C13orf46: variants seen among roughly 807,000 people sequenced by gnomAD.
C13orf46 encodes uncharacterized protein C13orf46.
chr13:113,970,729 G>A (rs1480953384), intron 1 of C13orf46, among the ~76,000 whole-genome samples: 2 of 152,196 alleles, frequency 1.3e-5, no homozygotes, highest in African/African-American at 4.8e-5. Context: ...GGGTCTCTGG[G>A]CTCCCCGAGA....
At chr13:113,932,030 C>T in the C13orf46 span, among the ~76,000 whole-genome samples, 9 of 152,110 alleles carry the variant, frequency 5.9e-5, no homozygotes, top group African/African-American at 2.2e-4. Flanking sequence ...GGTAACACAG[C>T]GTGTATACTC....
At chr13:113,972,801 C>T (rs1056875485) in intron 1 of C13orf46, among the ~76,000 whole-genome samples, 2 of 152,306 alleles carry the variant, frequency 1.3e-5, no homozygotes. Flanking sequence ...GCAAACGGGG[C>T]GCCTGGCTAT....
intron 6 of C13orf46, among the ~76,000 whole-genome samples, chr13:113,963,092 G>T (rs919810217): frequency 6.6e-6 from 1 of 152,212 alleles, no homozygotes; most frequent in Non-Finnish European, 1.5e-5. Context: ...CCAGTCGGGG[G>T]CCGAGGGCTG....
chr13:113,942,446 TCC>T, the C13orf46 span, among the ~76,000 whole-genome samples: 2 of 152,064 alleles, frequency 1.3e-5, no homozygotes, highest in African/African-American at 4.8e-5. Context: ...AGGACGATTA[TCC>T]CCTACAGAGG....
At chr13:113,947,746 G>A in the C13orf46 span, among the ~76,000 whole-genome samples, 1 of 152,170 alleles carries the variant, frequency 6.6e-6, no homozygotes, top group Admixed American at 6.5e-5. Context: ...ACACAGCCAA[G>A]CAGATGCGCA....
chr13:113,961,693 G>C (rs1246211239), intron 6 of C13orf46, among the ~76,000 whole-genome samples: 12 of 152,178 alleles, frequency 7.9e-5, no homozygotes, highest in Non-Finnish European at 1.5e-4. Flanking sequence ...TACAAAAGTG[G>C]TTCCAGTTTT....
At position 113,967,374 on chromosome 13, in the gene C13orf46, A is replaced by C. The variant is rs1403052921; in HGVS notation, c.471T>G (p.Phe157Leu). 6.6e-6 allele frequency: 1 copy of C among 152,314 alleles called. No homozygotes were observed. Among genetic ancestry groups the C allele is most frequent in the South Asian group, 2.1e-4 (1 of 4,828 alleles). The allele number at this position is 152,314 out of a possible 1,614,324, so 9.4% of individuals were successfully genotyped here. ...CATGGTCTCCCAGATCAATCTCCAC[A>C]AACACAGATGCTTTCTGCGAATGGA... The part of the protein sequence containing the change: ...DLQEEEKASV[F>L]VEIDLGDHAE... The change falls in exon 5 of 7, where the codon TTT (phenylalanine) becomes TTG (leucine). Residue 157 changes from phenylalanine (F) to leucine (L), a missense_variant. Transcript: ENST00000636427.
At chr13:113,959,817 G>A (rs2052573401) in intron 6 of C13orf46, among the ~76,000 whole-genome samples, 1 of 152,242 alleles carries the variant, frequency 6.6e-6, no homozygotes, top group Non-Finnish European at 1.5e-5. Flanking sequence ...TTAAAAAGAA[G>A]TGTAGGACAA....
the C13orf46 span, among the ~76,000 whole-genome samples, chr13:113,937,657 T>G: frequency 6.6e-6 from 1 of 152,092 alleles, no homozygotes; most frequent in African/African-American, 2.4e-5. Flanking sequence ...TTACATATTT[T>G]AGGGAGACAT....
the C13orf46 span, among the ~76,000 whole-genome samples, chr13:113,943,464 C>T: frequency 6.6e-6 from 1 of 152,170 alleles, no homozygotes; most frequent in African/African-American, 2.4e-5. Flanking sequence ...AAAGGAATGC[C>T]TGAGTTCAGA....
chr13:113,961,947 T>C (rs2052590301), intron 6 of C13orf46, among the ~76,000 whole-genome samples: 2 of 152,122 alleles, frequency 1.3e-5, no homozygotes, highest in Non-Finnish European at 2.9e-5. Context: ...AACTATGAAG[T>C]GTGCAGAGCT....
intron 2 of C13orf46, 64 bp downstream of exon 2, chr13:113,970,107 C>T (rs1443032794): frequency 3.9e-5 from 6 of 152,434 alleles, no homozygotes; most frequent in African/African-American, 1.4e-4. Context: ...CCACCCTCTC[C>T]TGTGTCCACC....
intron 6 of C13orf46, among the ~76,000 whole-genome samples, chr13:113,957,822 T>C (rs1204295188): frequency 3.7e-5 from 5 of 133,714 alleles, no homozygotes; most frequent in Admixed American, 3.1e-4. Flanking sequence ...CACTGGTGGG[T>C]CTCCCCTGCA....
the C13orf46 span, among the ~76,000 whole-genome samples, chr13:113,946,444 G>A: frequency 6.6e-6 from 1 of 152,236 alleles, no homozygotes; most frequent in Non-Finnish European, 1.5e-5. Context: ...AGGAATGCCA[G>A]CCACACACAC....
the C13orf46 span, among the ~76,000 whole-genome samples, chr13:113,935,202 G>A: frequency 6.6e-6 from 1 of 152,240 alleles, no homozygotes; most frequent in African/African-American, 2.4e-5. Flanking sequence ...AGCCTTGCTG[G>A]GATGGGGCTT....
At chr13:113,959,040 G>A (rs942968034) in intron 6 of C13orf46, among the ~76,000 whole-genome samples, 12 of 152,200 alleles carry the variant, frequency 7.9e-5, no homozygotes, top group Non-Finnish European at 1.3e-4. Flanking sequence ...CACTTGGGAG[G>A]TTGAGGCAGG....
chr13:113,971,433 G>A (rs545169103), intron 1 of C13orf46, among the ~76,000 whole-genome samples: 27 of 152,332 alleles, frequency 1.8e-4, no homozygotes, highest in African/African-American at 5.8e-4. Flanking sequence ...CACGAGTGGG[G>A]CCCAGAGGTG....
intron 6 of C13orf46, among the ~76,000 whole-genome samples, chr13:113,961,526 T>C (rs1241039358): frequency 4.0e-5 from 6 of 149,468 alleles, no homozygotes; most frequent in Non-Finnish European, 9.0e-5. Flanking sequence ...TAACTGTGGC[T>C]GTTCTAAGGT....
chr13:113,935,588 A>G, the C13orf46 span, among the ~76,000 whole-genome samples: 20 of 152,286 alleles, frequency 1.3e-4, no homozygotes, highest in Admixed American at 1.3e-3. Context: ...GAGGAAAGGG[A>G]TTGGTAGAAG....
Sources: allele counts gnomAD v4.1 joint callset (sites outside exome capture counted in the v4.1 genomes callset), GRCh38; gene constraint gnomAD v4.1.1; transcripts MANE v1.5; gene names NCBI Gene and HGNC (gene_info 2026-07-23, HGNC 2026-07-21).